The following TSC22D3 variants were observed in gnomAD, a reference collection of about 807,000 sequenced individuals.
The protein encoded by TSC22D3 is TSC22 domain family protein 3.
TSC22D3 carries 4 observed loss-of-function variants against 11.1 expected under a neutral mutation model. The observed-to-expected ratio is 0.36, with a 90% CI of 0.18 to 0.83. The LOEUF is 0.83. Among genes scored for constraint, TSC22D3 ranks in the 40% least tolerant of loss-of-function variants. The pLI, the probability that TSC22D3 is intolerant of heterozygous loss-of-function variation, is 0.48. For missense variants in TSC22D3, 118 were observed against 159.4 expected, an observed-to-expected ratio of 0.74 and a Z score of 1.40; for synonymous variants, 77 against 70.3, an observed-to-expected ratio of 1.10 and a Z score of -0.48.
chrX:107,752,044 T>C (rs766237747), intron 1 of TSC22D3, among the ~76,000 whole-genome samples: 16 of 112,575 alleles, frequency 1.4e-4, no homozygotes, highest in Non-Finnish European at 2.1e-4. Context: ...CTCAAGGCCA[T>C]GGTTAAGAGG....
chrX:107,749,655 G>A (rs1376813474), intron 1 of TSC22D3, among the ~76,000 whole-genome samples: 1 of 111,739 alleles, frequency 8.9e-6, no homozygotes, highest in East Asian at 2.8e-4. Context: ...GAGCTACTCA[G>A]GGTGAAGTTG....
chrX:107,737,908 C>T (rs1928219537), intron 1 of TSC22D3, among the ~76,000 whole-genome samples: 1 of 112,038 alleles, frequency 8.9e-6, no homozygotes, highest in African/African-American at 3.3e-5. Flanking sequence ...TGTGTGCCAT[C>T]GTGTGGGTCC....
At chrX:107,738,013 A>G (rs534480420) in intron 1 of TSC22D3, among the ~76,000 whole-genome samples, 43 of 112,169 alleles carry the variant, frequency 3.8e-4, no homozygotes, top group African/African-American at 1.2e-3. Context: ...CAAACACTAC[A>G]TCCCAGATAA....
Position 107,729,064 on chromosome X carries a change from G to A in TSC22D3, c.321-13114C>T, listed in dbSNP as rs146024309. 6.3e-3 allele frequency among the ~76,000 whole-genome samples: 712 copies of A among 112,489 alleles called. 8 individuals carry two copies. The highest frequency in any genetic ancestry group is 0.022 in the African/African-American group (682 of 30,962). On this transcript the variant is annotated intron_variant, in intron 1 of 2. Coordinates refer to ENST00000372383, the MANE Select transcript of TSC22D3 (RefSeq NM_198057.3). ...GAGGAGTAGAGTTTAGGGCAAAGGA[G>A]ATTGTTTTCTCCTTCTGTTCTTGGT...
Position 107,733,902 on chromosome X carries a change from C to T in TSC22D3, c.321-17952G>A, listed in dbSNP as rs372449739. ...CAACTGCCTGCCCCACCTCTAGGTT[C>T]GGCAGGCACTGCCCGTCTGCTCTTC... On this transcript the variant is annotated intron_variant, in intron 1 of 2. Coordinates refer to ENST00000372383, the MANE Select transcript of TSC22D3 (RefSeq NM_198057.3). Among the ~76,000 whole-genome samples, 150 of 111,923 alleles carry T rather than the reference C, an allele frequency of 1.3e-3. 5 individuals are homozygous for T. In the South Asian group the frequency reaches 0.043, roughly 32 times the overall value.
At chrX:107,748,442 T>C (rs949502078) in intron 1 of TSC22D3, among the ~76,000 whole-genome samples, 2 of 111,637 alleles carry the variant, frequency 1.8e-5, no homozygotes, top group African/African-American at 6.5e-5. Context: ...GAAGTCACCA[T>C]CATGGAGAAG....
At chrX:107,766,761 C>T (rs180860296) in intron 1 of TSC22D3, among the ~76,000 whole-genome samples, 1 of 111,088 alleles carries the variant, frequency 9.0e-6, no homozygotes, top group African/African-American at 3.3e-5. Context: ...GCTTGCCTGA[C>T]ACTGGGGAGA....
intron 2 of TSC22D3, 95 bp from the exon 3 acceptor site, chrX:107,714,844 T>A: frequency 1.2e-6 from 1 of 855,633 alleles, no homozygotes; most frequent in Non-Finnish European, 1.7e-6. Flanking sequence ...GTGCTGTCCT[T>A]AATGCCAGGG....
chrX:107,746,652 T>A (rs1406119487), intron 1 of TSC22D3, among the ~76,000 whole-genome samples: 1 of 111,792 alleles, frequency 8.9e-6, no homozygotes, highest in Non-Finnish European at 1.9e-5. Context: ...TTCCATACCT[T>A]TTTTGCATAC....
intron 1 of TSC22D3, among the ~76,000 whole-genome samples, chrX:107,747,034 A>G (rs903851792): frequency 4.4e-4 from 50 of 113,124 alleles, no homozygotes; most frequent in African/African-American, 1.6e-3. Context: ...TAGTCCTGCT[A>G]TGCTAGCTGA....
intron 1 of TSC22D3, chrX:107,716,658 C>A: frequency 2.5e-6 from 3 of 1,188,969 alleles, no homozygotes; most frequent in South Asian, 1.8e-5. Context: ...CGCCCCGGCT[C>A]GGGAGGCGCC....
chrX:107,771,657 T>A (rs748795240), intron 1 of TSC22D3, among the ~76,000 whole-genome samples: 2 of 112,961 alleles, frequency 1.8e-5, no homozygotes, highest in South Asian at 7.2e-4. Flanking sequence ...TTAAATTAGA[T>A]TATGCAGGTA....
chrX:107,765,399 C>G (rs1929614040), intron 1 of TSC22D3, among the ~76,000 whole-genome samples: 1 of 112,342 alleles, frequency 8.9e-6, no homozygotes, highest in East Asian at 2.8e-4. Context: ...AGCTGCTCCA[C>G]TCCTTCCTGC....
intron 1 of TSC22D3, among the ~76,000 whole-genome samples, chrX:107,734,206 T>G (rs1022931092): frequency 8.9e-6 from 1 of 112,271 alleles, no homozygotes; most frequent in Non-Finnish European, 1.9e-5. Flanking sequence ...TGAGGGTTTT[T>G]GGGCTTTGAC....
At chrX:107,735,615 C>T (rs1402483960) in intron 1 of TSC22D3, among the ~76,000 whole-genome samples, 3 of 110,683 alleles carry the variant, frequency 2.7e-5, no homozygotes, top group Non-Finnish European at 5.7e-5. Context: ...GCATGCCCTC[C>T]AACCAAACCC....
Position 107,722,763 on chromosome X carries a change from G to A in TSC22D3, c.321-6813C>T, listed in dbSNP as rs767455818. On this transcript the variant is annotated intron_variant, in intron 1 of 2. Transcript: ENST00000372383. ...GGAAATAGATATACCTGAAAAAGGC[G>A]GTTGGTAAAACTAACCTTGGTAAAT... Among the ~76,000 whole-genome samples the A allele has an allele frequency of 5.4e-5, 6 of 111,486 alleles. No homozygotes were observed. The South Asian group carries it at 1.5e-3, about 28-fold the overall frequency.
intron 1 of TSC22D3, among the ~76,000 whole-genome samples, chrX:107,768,917 A>G (rs746180815): frequency 7.1e-5 from 8 of 112,722 alleles, no homozygotes; most frequent in African/African-American, 1.9e-4. Context: ...CATTTCCCCC[A>G]TAAAAAGTCC....
chrX:107,744,386 C>T (rs998709421), intron 1 of TSC22D3, among the ~76,000 whole-genome samples: 2 of 110,931 alleles, frequency 1.8e-5, no homozygotes, highest in Non-Finnish European at 3.8e-5. Context: ...GAGGTTGAGG[C>T]GGGCGGATTG....
In TSC22D3 at chrX:107,714,611, G is replaced by A. The variant is rs747868841; in HGVS notation, c.511C>T (p.Gln171Ter). 4 of 1,209,823 alleles carry A rather than the reference G, an allele frequency of 3.3e-6. No homozygotes were observed. The highest frequency in any genetic ancestry group is 3.4e-6 in the Non-Finnish European group (3 of 895,146). Residue 171 changes from glutamine to a stop codon, truncating the protein, a stop_gained, in exon 3 of 3, where the codon CAG becomes TAG. Coordinates refer to ENST00000372383, the MANE Select transcript of TSC22D3 (RefSeq NM_198057.3). LOFTEE classifies it high-confidence loss of function. ...TLLKTLASPE[Q>*]LEKFQSCLSP... is the part of the protein sequence containing the mutation. ...AGACAGGACTGGAACTTCTCCAGCT[G>A]CTCTGGGCTTGCCAGGGTCTTCAAC... is the stretch of plus-strand genomic sequence containing the variant.
Sources: allele counts gnomAD v4.1 joint callset (sites outside exome capture counted in the v4.1 genomes callset), GRCh38; gene constraint gnomAD v4.1.1; transcripts MANE v1.5; gene names NCBI Gene and HGNC (gene_info 2026-07-23, HGNC 2026-07-21).